The following CA10 variants were observed in gnomAD, a reference collection of about 807,000 sequenced individuals.
CA10 encodes carbonic anhydrase 10 (inactive), also known as carbonic anhydrase-related protein 10.
CA10 carries 14 observed loss-of-function variants against 44.2 expected under a neutral mutation model. The observed-to-expected ratio is 0.32, with a 90% CI of 0.21 to 0.50. The LOEUF (loss-of-function observed/expected upper bound fraction) is 0.50. Ranked by LOEUF, CA10 falls within the 20% of genes least tolerant of loss-of-function variation. The probability of loss-of-function intolerance (pLI) is 0.99; values close to 1 mark genes in which losing one functional copy is unlikely to be tolerated. For missense variants in CA10, 350 were observed against 409.7 expected (o/e 0.85, Z 1.26); for synonymous variants, 159 against 141.6 (o/e 1.12, Z -0.87).
Position 51,729,171 on chromosome 17 carries a change from C to T in CA10, c.465+18462G>A, listed in dbSNP as rs112561942. 1.8e-3 allele frequency among the ~76,000 whole-genome samples: 278 copies of T among 152,228 alleles called. 2 individuals carry two copies. Among genetic ancestry groups the T allele is most frequent in the African/African-American group, 5.7e-3 (236 of 41,538 alleles). On this transcript the variant is annotated intron_variant, in intron 4 of 8. Coordinates refer to ENST00000451037, the MANE Select transcript of CA10 (RefSeq NM_020178.5). ...TCTGTCCCCCATTTGACCTCTAGCCCCACCCTACACCTTGCTATTCCTCAA... is the reference window on the plus strand; with the variant it reads ...TCTGTCCCCCATTTGACCTCTAGCCTCACCCTACACCTTGCTATTCCTCAA...
chr17:52,076,043 G>A (rs187180111), intron 1 of CA10, among the ~76,000 whole-genome samples: 201 of 152,026 alleles, frequency 1.3e-3, no homozygotes, highest in Non-Finnish European at 5.3e-4. Context: ...TTGTCAAGAC[G>A]GCAAAAAAGG....
chr17:52,094,635 A>G (rs1988358248), intron 1 of CA10, among the ~76,000 whole-genome samples: 1 of 152,222 alleles, frequency 6.6e-6, no homozygotes, highest in Non-Finnish European at 1.5e-5. Flanking sequence ...TAATAGGGAA[A>G]AGACGAAGTC....
chr17:51,734,178 TG>T (rs11302511), intron 4 of CA10, among the ~76,000 whole-genome samples: 52,599 of 129,682 alleles, frequency 0.41, 11,302 homozygotes, highest in African/African-American at 0.59. Context: ...AATCTTTGGT[TG>T]GGGGGGGGGG....
chr17:51,912,178 T>C (rs1364057203), intron 3 of CA10, among the ~76,000 whole-genome samples: 1 of 152,166 alleles, frequency 6.6e-6, no homozygotes, highest in African/African-American at 2.4e-5. Flanking sequence ...ATCACAAGGG[T>C]ATTACATGAG....
At chr17:51,959,197 C>T (rs1983775430) in intron 2 of CA10, among the ~76,000 whole-genome samples, 2 of 150,394 alleles carry the variant, frequency 1.3e-5, no homozygotes, top group Admixed American at 1.3e-4. Flanking sequence ...ACCTCAAACT[C>T]TGGAAGACAT....
chr17:51,663,194 A>T (rs1237681647), intron 4 of CA10, among the ~76,000 whole-genome samples: 1 of 9,524 alleles, frequency 1.0e-4, no homozygotes, highest in Non-Finnish European at 2.0e-4. Context: ...AAGTTCCGTG[A>T]TGCTTTTTTT....
At chr17:51,997,914 G>A (rs1985292534) in intron 2 of CA10, among the ~76,000 whole-genome samples, 1 of 152,086 alleles carries the variant, frequency 6.6e-6, no homozygotes, top group Non-Finnish European at 1.5e-5. Flanking sequence ...ATGGAAGAAA[G>A]TCAACATAAG....
At chr17:51,988,749 G>A (rs987764026) in intron 2 of CA10, among the ~76,000 whole-genome samples, 32 of 151,692 alleles carry the variant, frequency 2.1e-4, no homozygotes, top group African/African-American at 6.3e-4. Context: ...AAATGTCCTA[G>A]GGCACACTGT....
intron 2 of CA10, among the ~76,000 whole-genome samples, chr17:51,951,232 G>A (rs1355568700): frequency 6.6e-6 from 1 of 152,106 alleles, no homozygotes; most frequent in African/African-American, 2.4e-5. Context: ...TCATGAGAAG[G>A]ACCTTATTAG....
chr17:52,137,286 A>G (rs1858666655), intron 1 of CA10, among the ~76,000 whole-genome samples: 1 of 152,140 alleles, frequency 6.6e-6, no homozygotes. Flanking sequence ...GAGAACAACT[A>G]TCCATTTCTC....
chr17:51,964,492 G>T (rs564604474), intron 2 of CA10, among the ~76,000 whole-genome samples: 2 of 151,830 alleles, frequency 1.3e-5, no homozygotes, highest in South Asian at 4.2e-4. Flanking sequence ...CAACAAGATT[G>T]ACCACATTCT....
intron 4 of CA10, among the ~76,000 whole-genome samples, chr17:51,710,693 C>T (rs1915911110): frequency 6.6e-6 from 1 of 152,018 alleles, no homozygotes; most frequent in Non-Finnish European, 1.5e-5. Flanking sequence ...ACTGAGCTTC[C>T]AGGAAGAGTG....
chr17:51,985,207 T>TA (rs1984788466), intron 2 of CA10, among the ~76,000 whole-genome samples: 1 of 151,844 alleles, frequency 6.6e-6, no homozygotes, highest in African/African-American at 2.4e-5. Flanking sequence ...AGGGATGGTT[T>TA]AAAATATGCA....
intron 4 of CA10, among the ~76,000 whole-genome samples, chr17:51,700,925 G>C (rs984003913): frequency 1.3e-5 from 2 of 152,090 alleles, no homozygotes; most frequent in Non-Finnish European, 2.9e-5. Context: ...GGGGGTAGGA[G>C]TGGAGGGAGC....
At chr17:51,899,312 A>G (rs569796861) in intron 3 of CA10, among the ~76,000 whole-genome samples, 8 of 152,282 alleles carry the variant, frequency 5.3e-5, no homozygotes, top group Admixed American at 1.3e-4. Context: ...GTTGTTTAAC[A>G]AAAGTCATTC....
Position 51,699,988 on chromosome 17 carries a change from G to T in CA10, c.466-46252C>A, listed in dbSNP as rs141003299. Among the ~76,000 whole-genome samples the T allele has an allele frequency of 1.7e-3, 253 of 151,716 alleles. 1 individual carries two copies. The highest frequency in any genetic ancestry group is 5.7e-3 in the African/African-American group (232 of 40,994). The stretch of plus-strand genomic sequence containing the variant: ...ATTCTTGCAACATCCCCATGGGGTA[G>T]ACATCAGAGATGAAGGGAGAAGGCA... On this transcript the variant is annotated intron_variant, in intron 4 of 8. Transcript: ENST00000451037.
At chr17:51,985,955 A>G (rs186873980) in intron 2 of CA10, among the ~76,000 whole-genome samples, 8 of 152,038 alleles carry the variant, frequency 5.3e-5, no homozygotes, top group East Asian at 1.9e-4. Context: ...CAATGCAATT[A>G]CCATCAAAGT....
chr17:51,876,832 T>A (rs1185044500), intron 3 of CA10, among the ~76,000 whole-genome samples: 1 of 152,120 alleles, frequency 6.6e-6, no homozygotes, highest in South Asian at 2.1e-4. Context: ...CATTTTGCAT[T>A]CCCCCAGCTA....
chr17:52,044,414 C>T (rs925339059), intron 2 of CA10, among the ~76,000 whole-genome samples: 4 of 152,106 alleles, frequency 2.6e-5, no homozygotes, highest in African/African-American at 9.7e-5. Context: ...AGCAATCCTC[C>T]CACCTCAGCT....
Sources: gnomAD v4.1 joint callset for allele counts (sites outside exome capture counted in the v4.1 genomes callset) on GRCh38, gnomAD v4.1.1 for gene constraint, MANE v1.5 for transcripts, NCBI Gene and HGNC (gene_info 2026-07-23, HGNC 2026-07-21) for gene names.